Variants in EEF1B2 observed in about 807,000 individuals in gnomAD.
The protein encoded by EEF1B2 is elongation factor 1-beta.
Under a neutral mutation model 28.3 loss-of-function variants are expected in EEF1B2, and 12 were observed. The observed-to-expected ratio is 0.42, with a 90% CI of 0.27 to 0.69. The LOEUF is 0.69. Ranked by LOEUF, EEF1B2 falls within the 30% of genes least tolerant of loss-of-function variation. EEF1B2 has a pLI of 0.22. For missense variants in EEF1B2, 234 were observed against 272.6 expected, an observed-to-expected ratio of 0.86 and a Z score of 1.00; for synonymous variants, 83 against 99.9, an observed-to-expected ratio of 0.83 and a Z score of 1.01.
At chr2:206,161,917 G>C (rs1365969776) in intron 3 of EEF1B2, 121 bp from the exon 4 acceptor site, 1 of 839,064 alleles carries the variant, frequency 1.2e-6, no homozygotes, top group African/African-American at 1.7e-5. Flanking sequence ...CCATCTTTCG[G>C]CTGAGTTCGT....
chr2:206,160,003 C>T lies in EEF1B2; in HGVS notation c.24C>T (p.Ser8=), dbSNP rs760263486. 3.1e-6 allele frequency: 5 copies of T among 1,613,216 alleles called. No homozygotes were observed. In the East Asian group the frequency reaches 8.9e-5, roughly 29 times the overall value. MGFGDLK[S]PAGLQVLNDY... ...CCATGGGTTTCGGAGACCTGAAAAG[C>T]CCTGCCGGCCTCCAGGTGCTCAACG... is the stretch of plus-strand genomic sequence containing the variant. Residue 8 remains serine, a synonymous_variant, in exon 1 of 6, where the codon AGC becomes AGT. Transcript: ENST00000392222.
In EEF1B2 at chr2:206,162,899, A is replaced by T; in HGVS notation, c.*16A>T. On this transcript the variant is annotated 3_prime_UTR_variant, in exon 6 of 6. Transcript: ENST00000392222. ...CAAGATCTAAAATCCATCCTGGATC[A>T]TGGCATTTAAATAAAAGATTGAAAG... 1.3e-6 allele frequency: 2 copies of T among 1,589,682 alleles called. No individual in the cohort carries two copies. Among genetic ancestry groups the T allele is most frequent in the Non-Finnish European group, 1.7e-6 (2 of 1,175,998 alleles).
intron 1 of EEF1B2, 134 bp downstream of exon 1, chr2:206,160,193 C>G (rs1272222957): frequency 2.5e-6 from 3 of 1,176,602 alleles, no homozygotes; most frequent in Non-Finnish European, 3.5e-6. Flanking sequence ...GAGGGGAAAG[C>G]GCCCCGTTGC....
intron 3 of EEF1B2, 100 bp from the exon 4 acceptor site, chr2:206,161,938 C>T: frequency 9.8e-7 from 1 of 1,024,428 alleles, no homozygotes; most frequent in Non-Finnish European, 1.6e-6. Context: ...GATGGATTTG[C>T]TTTTTTCTGA....
Position 206,161,433 on chromosome 2 carries a change from T to C in EEF1B2, c.291T>C (p.Asp97=). The change falls in exon 3 of 6, where the codon GAT becomes GAC. Residue 97 remains aspartate (D), a synonymous_variant. Transcript: ENST00000392222. ...TTGSGATDSK[D]DDDIDLFGSD... ...GAAGTGGAGCTACAGATAGTAAAGA[T>C]GATGATGACATTGACCTCTTTGGAT... 1 of 1,613,952 alleles carries C rather than the reference T, an allele frequency of 6.2e-7. No homozygotes were observed. The highest frequency in any genetic ancestry group is 2.2e-5 in the East Asian group (1 of 44,876).
At chr2:206,161,618 TA>T in intron 3 of EEF1B2, 146 bp downstream of exon 3, 1 of 1,036,264 alleles carries the variant, frequency 9.7e-7, no homozygotes, top group Non-Finnish European at 1.4e-6. Flanking sequence ...CTGTCTGTAC[TA>T]AAAATACAAA....
chr2:206,161,519 A>G, intron 3 of EEF1B2, 47 bp downstream of exon 3: 1 of 1,606,712 alleles, frequency 6.2e-7, no homozygotes, highest in Non-Finnish European at 8.5e-7. Context: ...GCAGTGGCTC[A>G]TGCCTGTAAT....
chr2:206,162,344 T>A, intron 4 of EEF1B2, 145 bp from the exon 5 acceptor site: 1 of 1,347,816 alleles, frequency 7.4e-7, no homozygotes, highest in Non-Finnish European at 1.1e-6. Flanking sequence ...TGGGTATATA[T>A]GTGTGACAGA....
upstream of EEF1B2, chr2:206,159,652 G>A: frequency 4.0e-6 from 1 of 249,576 alleles, no homozygotes; most frequent in Non-Finnish European, 7.8e-6. Flanking sequence ...GCGCTTCTAG[G>A]GCTGGTTCCC....
At chr2:206,159,740 T>C, upstream of EEF1B2, 1 of 485,316 alleles carries the variant, frequency 2.1e-6, no homozygotes, top group African/African-American at 2.0e-5. Flanking sequence ...CAACGAAAGG[T>C]CCATGGACAA....
chr2:206,162,396 C>T (rs1410867507), intron 4 of EEF1B2, 93 bp from the exon 5 acceptor site: 10 of 1,595,790 alleles, frequency 6.3e-6, no homozygotes, highest in Non-Finnish European at 8.6e-6. Flanking sequence ...AGGAGATAGT[C>T]TCAAAACAAA....
upstream of EEF1B2, chr2:206,159,856 C>A: frequency 9.0e-7 from 1 of 1,113,168 alleles, no homozygotes; most frequent in East Asian, 2.6e-5. Flanking sequence ...AGGGAAACGC[C>A]TCCGTCTCTA....
At chr2:206,161,055 C>A (rs1193005457) in intron 2 of EEF1B2, 2 of 595,996 alleles carry the variant, frequency 3.4e-6, no homozygotes, top group Non-Finnish European at 6.1e-6. Context: ...GAAGTGGACT[C>A]CAGTTCACTA....
At chr2:206,159,754 G>A (rs1312282332), upstream of EEF1B2, 35 of 506,806 alleles carry the variant, frequency 6.9e-5, no homozygotes, top group Non-Finnish European at 1.2e-4. Flanking sequence ...TGGACAATTT[G>A]TGGGCCATTT....
At chr2:206,162,278 C>G (rs1687956079) in intron 4 of EEF1B2, 174 bp downstream of exon 4, 1 of 1,094,438 alleles carries the variant, frequency 9.1e-7, no homozygotes, top group East Asian at 2.4e-5. Context: ...TTGTGGCATT[C>G]CTCTGTGGGA....
At chr2:206,161,702 G>A (rs562120220) in intron 3 of EEF1B2, 256 of 554,826 alleles carry the variant, frequency 4.6e-4, no homozygotes, top group African/African-American at 4.5e-3. Context: ...CCTAGGAAGC[G>A]GAGGTTGCAG....
upstream of EEF1B2, chr2:206,159,835 C>A: frequency 1.2e-6 from 1 of 853,836 alleles, no homozygotes; most frequent in Non-Finnish European, 1.8e-6. Flanking sequence ...ACCTTCGGTC[C>A]GGCGCGGTGG....
chr2:206,161,328 A>G lies in EEF1B2; in HGVS notation c.204-18A>G, dbSNP rs1423076501. 3 of 1,613,108 alleles carry G rather than the reference A, an allele frequency of 1.9e-6. No individual in the cohort carries two copies. The highest frequency in any genetic ancestry group is 8.5e-7 in the Non-Finnish European group (1 of 1,179,874). On this transcript the variant is annotated intron_variant, in intron 2 of 5. Transcript: ENST00000392222. ...GTTATACTAGCTCAATAGTGGTTGA[A>G]TTTAAATGTTTTTCAAGCCTGCCAG...
At chr2:206,162,349 G>C in intron 4 of EEF1B2, 140 bp from the exon 5 acceptor site, 1 of 1,377,708 alleles carries the variant, frequency 7.3e-7, no homozygotes, top group Non-Finnish European at 1.0e-6. Context: ...ATATATGTGT[G>C]ACAGACACAA....
Sources: gnomAD v4.1 joint callset for allele counts on GRCh38, gnomAD v4.1.1 for gene constraint, MANE v1.5 for transcripts, NCBI Gene and HGNC (gene_info 2026-07-23, HGNC 2026-07-21) for gene names.